Variants in FGF14 observed in about 807,000 individuals in gnomAD.
The protein encoded by FGF14 is fibroblast growth factor 14.
FGF14 carries 5 observed loss-of-function variants against 25.5 expected under a neutral mutation model. The ratio of observed to expected loss-of-function variants is 0.20; its 90% CI spans 0.10 to 0.41. The LOEUF (loss-of-function observed/expected upper bound fraction) is 0.41, where lower values mean the gene tolerates loss of function less well. FGF14 is among the 10% of genes least tolerant of loss of function. The pLI is 1.00. For synonymous variants in FGF14, 138 were observed against 118.3 expected (o/e 1.17, Z -1.08); for missense variants, 222 against 320.1 (o/e 0.69, Z 2.34).
intron 1 of FGF14, among the ~76,000 whole-genome samples, chr13:101,994,448 T>C (rs2039074519): frequency 6.6e-6 from 1 of 152,060 alleles, no homozygotes; most frequent in Non-Finnish European, 1.5e-5. Flanking sequence ...TTGCCAATGA[T>C]CTTGATAATA....
In FGF14 at chr13:102,400,213, C is replaced by T. The variant is rs547322313; in HGVS notation, c.208+1258G>A. On this transcript the variant is annotated intron_variant, in intron 1 of 4. Transcript: ENST00000376131. This position sits in a 1 kb window ranked among gnomAD's most constrained non-coding sequence, Gnocchi z 4.3. ...GCTGGGGCTCTGGGTGCCAGTGCGG[C>T]CCCCGGCAGAGCCCAGGGCGTCAGG... Among the ~76,000 whole-genome samples, 103 of 152,258 alleles carry T rather than the reference C, an allele frequency of 6.8e-4. 1 individual carries two copies. The South Asian group carries it at 0.013, about 20-fold the overall frequency.
exon 1 of FGF14, chr13:102,401,616 C>T (rs762738341): frequency 6.2e-7 from 1 of 1,614,122 alleles, no homozygotes; most frequent in South Asian, 1.1e-5. Flanking sequence ...AGAAGAGATC[C>T]TTGTGGTTGC....
chr13:102,383,096 T>C (rs2058222693), intron 1 of FGF14, among the ~76,000 whole-genome samples: 2 of 152,184 alleles, frequency 1.3e-5, no homozygotes. Context: ...GTAAATTTTA[T>C]GGTATATGAA....
At chr13:102,096,307 C>T (rs1021655469) in intron 1 of FGF14, among the ~76,000 whole-genome samples, 8 of 151,984 alleles carry the variant, frequency 5.3e-5, no homozygotes, top group Admixed American at 2.0e-4. Flanking sequence ...GCTCTAATCT[C>T]ATTTACTCAT....
At chr13:102,201,331 C>G (rs2049638311) in intron 1 of FGF14, among the ~76,000 whole-genome samples, 1 of 151,544 alleles carries the variant, frequency 6.6e-6, no homozygotes, top group Non-Finnish European at 1.5e-5. Context: ...AACAAAGGTG[C>G]CAAGGGATTT....
chr13:102,343,531 T>C (rs1295004408), intron 1 of FGF14, among the ~76,000 whole-genome samples: 2 of 152,198 alleles, frequency 1.3e-5, no homozygotes, highest in Non-Finnish European at 2.9e-5. Flanking sequence ...TTTACACAGA[T>C]GAATCACATA....
At chr13:101,913,954 C>T (rs1386828217) in intron 1 of FGF14, among the ~76,000 whole-genome samples, 1 of 152,122 alleles carries the variant, frequency 6.6e-6, no homozygotes, top group Non-Finnish European at 1.5e-5. Context: ...GGAACTTCAA[C>T]TCTTCTATTC....
At chr13:101,850,279 C>CAAAAAAAA (rs869138439) in intron 3 of FGF14, among the ~76,000 whole-genome samples, 2 of 27,936 alleles carry the variant, frequency 7.2e-5, no homozygotes, top group African/African-American at 1.2e-4. Context: ...ACTAAAAATC[C>CAAAAAAAA]AAAAAAAAAA....
intron 1 of FGF14, among the ~76,000 whole-genome samples, chr13:101,915,536 T>G (rs2033379198): frequency 6.6e-6 from 1 of 152,078 alleles, no homozygotes; most frequent in Admixed American, 6.5e-5. Context: ...CCTTAGCAAC[T>G]GGATGCAGAG....
intron 1 of FGF14, among the ~76,000 whole-genome samples, chr13:102,083,508 C>T (rs893313689): frequency 6.6e-6 from 1 of 152,110 alleles, no homozygotes; most frequent in African/African-American, 2.4e-5. Context: ...TAGTAGACCC[C>T]CTTACCTTAA....
chr13:102,125,885 G>C (rs1171942628), intron 1 of FGF14, among the ~76,000 whole-genome samples: 1 of 152,014 alleles, frequency 6.6e-6, no homozygotes, highest in African/African-American at 2.4e-5. Flanking sequence ...TTAAATAAAA[G>C]CTCTGTCATA....
intron 1 of FGF14, among the ~76,000 whole-genome samples, chr13:101,902,573 G>A (rs2031709490): frequency 6.6e-6 from 1 of 152,162 alleles, no homozygotes; most frequent in Non-Finnish European, 1.5e-5. Flanking sequence ...TAACTCATAT[G>A]TTTAATCAAA....
intron 1 of FGF14, among the ~76,000 whole-genome samples, chr13:102,129,653 C>G (rs1478541335): frequency 6.6e-6 from 1 of 151,144 alleles, no homozygotes; most frequent in Non-Finnish European, 1.5e-5. Context: ...ATAATGCACA[C>G]AGGAAGGGGA....
At chr13:101,899,332 T>C (rs74730681) in intron 1 of FGF14, among the ~76,000 whole-genome samples, 475 of 151,848 alleles carry the variant, frequency 3.1e-3, no homozygotes, top group Non-Finnish European at 5.7e-3. Flanking sequence ...AAAAAATAAA[T>C]ACATATAGGA....
chr13:101,977,207 T>A (rs1013761233), intron 1 of FGF14, among the ~76,000 whole-genome samples: 36 of 152,010 alleles, frequency 2.4e-4, no homozygotes, highest in Non-Finnish European at 4.7e-4. Flanking sequence ...ACCCAGGCAC[T>A]ACTCCCCTCC....
At chr13:102,046,579 T>A (rs2041994213) in intron 1 of FGF14, among the ~76,000 whole-genome samples, 2 of 152,218 alleles carry the variant, frequency 1.3e-5, no homozygotes. Context: ...ACCGTTCTGT[T>A]AAACTACCAT....
At chr13:102,330,164 G>A (rs1010580383) in intron 1 of FGF14, among the ~76,000 whole-genome samples, 2 of 152,076 alleles carry the variant, frequency 1.3e-5, no homozygotes, top group African/African-American at 2.4e-5. Context: ...AATTTCAGCA[G>A]AGCCTCCCTG....
intron 3 of FGF14, among the ~76,000 whole-genome samples, chr13:101,745,896 G>A (rs1022719068): frequency 6.6e-6 from 1 of 151,992 alleles, no homozygotes; most frequent in Non-Finnish European, 1.5e-5. Flanking sequence ...TGGGCAGAGT[G>A]CTCGCAAGAT....
intron 1 of FGF14, among the ~76,000 whole-genome samples, chr13:102,224,892 C>T (rs963312535): frequency 2.6e-5 from 4 of 152,266 alleles, no homozygotes; most frequent in East Asian, 1.9e-4. Flanking sequence ...ACTGCAACCT[C>T]GTCCTCAATG....
Sources: gnomAD v4.1 joint callset for allele counts (sites outside exome capture counted in the v4.1 genomes callset) on GRCh38, gnomAD v4.1.1 for gene constraint, Gnocchi (gnomAD v3.1) non-coding constraint, MANE v1.5 for transcripts, NCBI Gene and HGNC (gene_info 2026-07-23, HGNC 2026-07-21) for gene names.